The following PTPRK variants were observed in gnomAD, a reference collection of about 807,000 sequenced individuals.
PTPRK encodes protein tyrosine phosphatase receptor type K, also known as receptor-type tyrosine-protein phosphatase kappa.
A neutral mutation model predicts 178.0 loss-of-function variants in PTPRK; 75 were observed. The observed-to-expected ratio is 0.42, with a 90% CI of 0.35 to 0.51. The LOEUF (loss-of-function observed/expected upper bound fraction) is 0.51, where lower values mean the gene tolerates loss of function less well. Among genes scored for constraint, PTPRK ranks in the 20% least tolerant of loss-of-function variants. PTPRK has a pLI of 0.02. For synonymous variants in PTPRK, 637 were observed against 620.6 expected (o/e 1.03, Z -0.39); for missense variants, 1,441 against 1,797.8 (o/e 0.80, Z 3.59).
rs149842078 is a variant in PTPRK, at chr6:128,455,972, C to G, written c.101-58284G>C. Among the ~76,000 whole-genome samples the G allele has an allele frequency of 3.7e-3, 560 of 152,088 alleles. 3 individuals are homozygous for G. The highest frequency in any genetic ancestry group is 0.013 in the African/African-American group (539 of 41,494). ...TATAATCTACAATGTGATCTCCCAG[C>G]GTGAAATCAGTCATCAAAAGAAGTT... is the stretch of plus-strand genomic sequence containing the variant. On this transcript the variant is annotated intron_variant, in intron 1 of 29. Coordinates refer to ENST00000368226, the MANE Select transcript of PTPRK (RefSeq NM_002844.4).
Position 128,190,827 on chromosome 6 carries a change from A to G in PTPRK, c.869-6102T>C, listed in dbSNP as rs147891017. ...AGACCTTTTTCAAATCATATTACTC[A>G]GGTGGCTCATAAGCTTGTACTGGTC... On this transcript the variant is annotated intron_variant, in intron 6 of 29. Transcript: ENST00000368226. 4.6e-5 allele frequency among the ~76,000 whole-genome samples: 7 copies of G among 152,280 alleles called. No individual in the cohort carries two copies. The East Asian group carries it at 1.4e-3, about 29-fold the overall frequency.
At chr6:128,437,264 TAAGA>T (rs1036881066) in intron 1 of PTPRK, among the ~76,000 whole-genome samples, 4 of 152,156 alleles carry the variant, frequency 2.6e-5, no homozygotes, top group African/African-American at 9.7e-5. Flanking sequence ...AAGCGTAATA[TAAGA>T]AAGTAACAAT....
At chr6:128,300,560 G>A (rs1490597294) in intron 3 of PTPRK, among the ~76,000 whole-genome samples, 1 of 151,932 alleles carries the variant, frequency 6.6e-6, no homozygotes, top group Non-Finnish European at 1.5e-5. Context: ...GTCCTTTGTA[G>A]GGACATGGAT....
In PTPRK at chr6:128,373,521, GAATGTCTGGTTTTTCTAA is replaced by G. The variant is rs558036114; in HGVS notation, c.223+24027_223+24044del. The stretch of plus-strand genomic sequence containing the variant: ...GGGTGTGGCATTAATCCTTTATAAA[GAATGTCTGGTTTTTCTAA>G]AATGCAGCCAGCTTCGAGAACCAGT... On this transcript the variant is annotated intron_variant, in intron 2 of 29. Transcript: ENST00000368226. 1.7e-3 allele frequency among the ~76,000 whole-genome samples: 252 copies of G among 152,274 alleles called. 3 individuals are homozygous for G. The highest frequency in any genetic ancestry group is 5.8e-3 in the African/African-American group (242 of 41,548).
chr6:128,112,054 T>C (rs149656214), intron 7 of PTPRK, among the ~76,000 whole-genome samples: 5 of 152,192 alleles, frequency 3.3e-5, no homozygotes, highest in African/African-American at 1.2e-4. Context: ...CCACTCTTAC[T>C]ATCCATGTCT....
In PTPRK at chr6:128,288,747, C is replaced by T. The variant is rs11961873; in HGVS notation, c.495+33292G>A. Among the ~76,000 whole-genome samples, 898 of 151,954 alleles carry T rather than the reference C, an allele frequency of 5.9e-3. 11 individuals are homozygous for T. Among genetic ancestry groups the T allele is most frequent in the African/African-American group, 0.021 (859 of 41,486 alleles). On this transcript the variant is annotated intron_variant, in intron 3 of 29. Coordinates refer to ENST00000368226, the MANE Select transcript of PTPRK (RefSeq NM_002844.4). ...TATTCATCCTCATATGCTTGAAATA[C>T]TCTCCCCCTTCACACTCTATAGTCA...
chr6:128,496,633 A>C (rs993843114), intron 1 of PTPRK, among the ~76,000 whole-genome samples: 7 of 152,104 alleles, frequency 4.6e-5, no homozygotes, highest in African/African-American at 1.7e-4. Flanking sequence ...GAAATCATAT[A>C]ATTTCTTTCA....
At chr6:128,237,276 T>C (rs1320830454) in intron 5 of PTPRK, among the ~76,000 whole-genome samples, 1 of 152,200 alleles carries the variant, frequency 6.6e-6, no homozygotes, top group African/African-American at 2.4e-5. Flanking sequence ...ATAAAGTTGA[T>C]TGCCATTTGG....
At chr6:128,321,991 G>A in intron 3 of PTPRK, 48 bp downstream of exon 3, 1 of 1,610,224 alleles carries the variant, frequency 6.2e-7, no homozygotes, top group Non-Finnish European at 8.5e-7. Flanking sequence ...CACATATAGT[G>A]AGAACTGATG....
At chr6:128,078,940 A>T (rs1408677750) in intron 10 of PTPRK, 22 bp from the exon 11 acceptor site, 1 of 1,480,774 alleles carries the variant, frequency 6.8e-7, no homozygotes, top group South Asian at 1.1e-5. Flanking sequence ...TTAATGAGAT[A>T]AAAAAGGTTC....
chr6:128,292,190 A>T (rs1823492982), intron 3 of PTPRK, among the ~76,000 whole-genome samples: 2 of 152,128 alleles, frequency 1.3e-5, no homozygotes, highest in Non-Finnish European at 1.5e-5. Context: ...TTTTGCTCAT[A>T]GAAAAATAAA....
intron 21 of PTPRK, among the ~76,000 whole-genome samples, chr6:127,988,509 T>G (rs1776232424): frequency 6.6e-6 from 1 of 151,982 alleles, no homozygotes; most frequent in Non-Finnish European, 1.5e-5. Flanking sequence ...AAAACCATAG[T>G]GCAATTTTAA....
intron 1 of PTPRK, among the ~76,000 whole-genome samples, chr6:128,421,256 T>C (rs530623838): frequency 5.0e-4 from 76 of 152,304 alleles, no homozygotes; most frequent in Middle Eastern, 6.8e-3. Flanking sequence ...TCTTACCTTG[T>C]GGAATAAAAC....
At chr6:128,059,227 G>C (rs1046680669) in intron 13 of PTPRK, among the ~76,000 whole-genome samples, 7 of 151,988 alleles carry the variant, frequency 4.6e-5, no homozygotes, top group African/African-American at 1.7e-4. Flanking sequence ...ATTAATGTAG[G>C]AGCACTGACA....
intron 7 of PTPRK, among the ~76,000 whole-genome samples, chr6:128,183,562 A>G (rs933683680): frequency 6.6e-6 from 1 of 152,102 alleles, no homozygotes; most frequent in Admixed American, 6.6e-5. Context: ...TACATCAGGT[A>G]ACTGAATGGG....
chr6:127,986,023 T>A, intron 21 of PTPRK, 148 bp from the exon 22 acceptor site: 5 of 681,602 alleles, frequency 7.3e-6, no homozygotes, highest in South Asian at 4.2e-5. Context: ...AAAAAAAATA[T>A]AATAAAATGA....
intron 3 of PTPRK, among the ~76,000 whole-genome samples, chr6:128,316,865 C>G (rs1048188806): frequency 2.6e-5 from 4 of 151,784 alleles, no homozygotes; most frequent in African/African-American, 9.7e-5. Flanking sequence ...TACAGGCACC[C>G]GCCACCATGC....
intron 2 of PTPRK, among the ~76,000 whole-genome samples, chr6:128,349,729 G>A (rs1832874525): frequency 6.6e-6 from 1 of 152,108 alleles, no homozygotes; most frequent in Non-Finnish European, 1.5e-5. Flanking sequence ...TGTTGAAAGG[G>A]TATAGGCGTT....
intron 14 of PTPRK, among the ~76,000 whole-genome samples, chr6:128,007,723 T>C (rs7452922): frequency 2.4e-4 from 36 of 151,094 alleles, no homozygotes; most frequent in African/African-American, 7.2e-4. Flanking sequence ...AATGAGGATA[T>C]AATCAGAAGC....
Sources: gnomAD v4.1 joint callset for allele counts (sites outside exome capture counted in the v4.1 genomes callset) on GRCh38, gnomAD v4.1.1 for gene constraint, MANE v1.5 for transcripts, NCBI Gene and HGNC (gene_info 2026-07-23, HGNC 2026-07-21) for gene names.